The following RAD54B variants were observed in gnomAD, a reference collection of about 807,000 sequenced individuals.
RAD54B encodes DNA repair and recombination protein RAD54B.
In RAD54B, 78 loss-of-function variants were observed where a neutral mutation model predicts 95.8. The ratio of observed to expected loss-of-function variants is 0.81; its 90% CI spans 0.68 to 0.98. The LOEUF (loss-of-function observed/expected upper bound fraction) is 0.98, where lower values mean the gene tolerates loss of function less well. RAD54B is among the 50% of genes least tolerant of loss of function. The pLI, the probability that RAD54B is intolerant of heterozygous loss-of-function variation, is 0.00. For synonymous variants in RAD54B, 328 were observed against 354.9 expected (o/e 0.92, Z 0.85); for missense variants, 957 against 1,056.6 (o/e 0.91, Z 1.31).
At chr8:94,455,570 C>T (rs1812760248) in intron 3 of RAD54B, among the ~76,000 whole-genome samples, 1 of 152,058 alleles carries the variant, frequency 6.6e-6, no homozygotes, top group Non-Finnish European at 1.5e-5. Context: ...CTCTGAATAC[C>T]CAAGAGATCT....
chr8:94,454,072 T>C (rs1046097691), intron 3 of RAD54B, among the ~76,000 whole-genome samples: 4 of 152,052 alleles, frequency 2.6e-5, no homozygotes, highest in African/African-American at 9.7e-5. Context: ...ATTACAGACG[T>C]GAGCCACCAT....
chr8:94,412,128 GTCTT>G (rs1182391287), intron 3 of RAD54B, among the ~76,000 whole-genome samples: 1 of 152,088 alleles, frequency 6.6e-6, no homozygotes, highest in Non-Finnish European at 1.5e-5. Flanking sequence ...CACAATAATT[GTCTT>G]TCTGTGTCCA....
intron 3 of RAD54B, among the ~76,000 whole-genome samples, chr8:94,422,187 TTTTGATTTGTTCATCACCATACTCA>T (rs1811820311): frequency 6.6e-6 from 1 of 152,164 alleles, no homozygotes; most frequent in Non-Finnish European, 1.5e-5. Flanking sequence ...TGAGAGTATG[TTTTGATTTGTTCATCACCATACTCA>T]CAGAACAAGA....
chr8:94,379,394 T>A (rs1049234496), intron 12 of RAD54B, among the ~76,000 whole-genome samples: 2 of 152,184 alleles, frequency 1.3e-5, no homozygotes, highest in African/African-American at 4.8e-5. Flanking sequence ...ATATTCTATA[T>A]GCACTGTCAC....
chr8:94,416,241 T>A (rs1216455159), intron 3 of RAD54B, among the ~76,000 whole-genome samples: 1 of 151,362 alleles, frequency 6.6e-6, no homozygotes, highest in East Asian at 1.9e-4. Context: ...TTGGAAATCA[T>A]CATTCTCAGT....
intron 3 of RAD54B, among the ~76,000 whole-genome samples, chr8:94,439,260 T>C (rs532299457): frequency 2.6e-5 from 4 of 152,192 alleles, no homozygotes; most frequent in Admixed American, 2.0e-4. Flanking sequence ...TAATTTTATG[T>C]CTCAGAATAT....
At chr8:94,378,758 C>A (rs1050531897) in intron 12 of RAD54B, 124 bp from the exon 13 acceptor site, 9 of 660,046 alleles carry the variant, frequency 1.4e-5, no homozygotes, top group African/African-American at 1.8e-5. Flanking sequence ...CTTCAGAAAA[C>A]AAATCTCAGG....
At chr8:94,416,379 G>C (rs980933957) in intron 3 of RAD54B, among the ~76,000 whole-genome samples, 4 of 151,942 alleles carry the variant, frequency 2.6e-5, no homozygotes, top group Admixed American at 6.6e-5. Flanking sequence ...GGTGGGGCGA[G>C]GGGGGAGGGA....
chr8:94,382,182 C>T (rs930530675), intron 11 of RAD54B, among the ~76,000 whole-genome samples: 1 of 151,058 alleles, frequency 6.6e-6, no homozygotes, highest in Non-Finnish European at 1.5e-5. Context: ...TAAAAAGGAC[C>T]TACTAAAAAG....
At chr8:94,372,866 T>A (rs1810475163) in intron 14 of RAD54B, 1 of 152,412 alleles carries the variant, frequency 6.6e-6, no homozygotes, top group East Asian at 1.9e-4. Flanking sequence ...AGGTAAGGTT[T>A]TGCCACAAAT....
intron 3 of RAD54B, among the ~76,000 whole-genome samples, chr8:94,422,617 A>AAAATAT (rs1554606249): frequency 1.6e-4 from 7 of 43,568 alleles, no homozygotes; most frequent in Admixed American, 3.9e-4. Context: ...AAAAAAAAAA[A>AAAATAT]ATATATATAT....
intron 7 of RAD54B, among the ~76,000 whole-genome samples, 153 bp from the exon 8 acceptor site, chr8:94,399,774 T>C (rs771683487): frequency 6.6e-6 from 1 of 152,160 alleles, no homozygotes; most frequent in Non-Finnish European, 1.5e-5. Context: ...CAAAATACCA[T>C]AGATTGGGTG....
chr8:94,424,822 G>A (rs909129237), intron 3 of RAD54B, among the ~76,000 whole-genome samples: 7 of 152,076 alleles, frequency 4.6e-5, no homozygotes, highest in Admixed American at 3.9e-4. Flanking sequence ...AGCACTTTGC[G>A]GGGCCAAGGT....
At chr8:94,420,471 G>C (rs1032432585) in intron 3 of RAD54B, among the ~76,000 whole-genome samples, 1 of 151,484 alleles carries the variant, frequency 6.6e-6, no homozygotes, top group Admixed American at 6.6e-5. Context: ...TTTTGCCCAG[G>C]CTGGTGTCGA....
At chr8:94,411,705 A>AG (rs1811533307) in intron 3 of RAD54B, among the ~76,000 whole-genome samples, 1 of 152,060 alleles carries the variant, frequency 6.6e-6, no homozygotes, top group African/African-American at 2.4e-5. Flanking sequence ...AGCTGAGGAA[A>AG]GGCAAAGATT....
At chr8:94,421,022 A>C (rs1245339909) in intron 3 of RAD54B, among the ~76,000 whole-genome samples, 1 of 151,686 alleles carries the variant, frequency 6.6e-6, no homozygotes, top group Non-Finnish European at 1.5e-5. Context: ...CTACCATAAG[A>C]AGCTGTCTAC....
At chr8:94,437,757 T>C (rs891196845) in intron 3 of RAD54B, among the ~76,000 whole-genome samples, 6 of 152,226 alleles carry the variant, frequency 3.9e-5, no homozygotes, top group Non-Finnish European at 5.9e-5. Flanking sequence ...TTTGCTATTA[T>C]AATAGAGCCA....
chr8:94,436,729 T>C, intron 3 of RAD54B: 1 of 1,550,732 alleles, frequency 6.4e-7, no homozygotes, highest in East Asian at 2.4e-5. Context: ...TGCTATGATA[T>C]CCCAACATCT....
intron 1 of RAD54B, 33 bp from the exon 2 acceptor site, chr8:94,467,588 G>A (rs756286979): frequency 9.6e-6 from 15 of 1,563,540 alleles, no homozygotes; most frequent in East Asian, 6.8e-5. Flanking sequence ...AACTATCCAC[G>A]AATCTAATTA....
Sources: allele counts gnomAD v4.1 joint callset (sites outside exome capture counted in the v4.1 genomes callset), GRCh38; gene constraint gnomAD v4.1.1; transcripts MANE v1.5; gene names NCBI Gene and HGNC (gene_info 2026-07-23, HGNC 2026-07-21).